Variants in LSAMP observed in about 807,000 individuals in gnomAD.
LSAMP encodes limbic system-associated membrane protein.
In LSAMP, 7 loss-of-function variants were observed where a neutral mutation model predicts 38.6. The ratio of observed to expected loss-of-function variants is 0.18; its 90% CI spans 0.10 to 0.34. The LOEUF is 0.34. Among genes scored for constraint, LSAMP ranks in the 10% least tolerant of loss-of-function variants. The pLI is 1.00. For missense variants in LSAMP, 313 were observed against 420.0 expected (o/e 0.75, Z 2.23); for synonymous variants, 154 against 166.8 (o/e 0.92, Z 0.59).
intron 1 of LSAMP, among the ~76,000 whole-genome samples, chr3:116,094,349 C>T (rs977201836): frequency 5.9e-5 from 9 of 152,308 alleles, no homozygotes; most frequent in Middle Eastern, 3.4e-3. Context: ...TGGTTGGACC[C>T]CTGTCTGCTA....
chr3:115,900,562 G>A (rs1325282555), intron 3 of LSAMP, among the ~76,000 whole-genome samples: 1 of 149,892 alleles, frequency 6.7e-6, no homozygotes, highest in African/African-American at 2.5e-5. Flanking sequence ...GTCAGCTTTT[G>A]CCACAAACTC....
At chr3:115,830,159 G>C (rs959797005) in intron 6 of LSAMP, among the ~76,000 whole-genome samples, 4 of 152,176 alleles carry the variant, frequency 2.6e-5, no homozygotes, top group African/African-American at 9.7e-5. Flanking sequence ...GCCTGAATAA[G>C]TGTGTGAAAT....
At chr3:115,941,026 T>C (rs1937901765) in intron 3 of LSAMP, among the ~76,000 whole-genome samples, 1 of 152,152 alleles carries the variant, frequency 6.6e-6, no homozygotes, top group South Asian at 2.1e-4. Flanking sequence ...ATTTGTAAAC[T>C]ATATATCTTA....
chr3:116,438,215 CTTG>C (rs962507805), intron 1 of LSAMP, among the ~76,000 whole-genome samples: 7 of 152,078 alleles, frequency 4.6e-5, no homozygotes, highest in African/African-American at 1.7e-4. Flanking sequence ...GAATAAAAGG[CTTG>C]TTTTCTTACA....
At chr3:116,220,258 A>G (rs576384539) in intron 1 of LSAMP, among the ~76,000 whole-genome samples, 2 of 150,944 alleles carry the variant, frequency 1.3e-5, no homozygotes, top group East Asian at 3.9e-4. Flanking sequence ...ATTATAAAAA[A>G]ACAGAAGATA....
chr3:116,050,720 T>C (rs1319308823), intron 2 of LSAMP, among the ~76,000 whole-genome samples: 6 of 152,202 alleles, frequency 3.9e-5, no homozygotes, highest in Admixed American at 2.6e-4. Flanking sequence ...GAGTCAGCTT[T>C]GCTCTCTTTC....
intron 2 of LSAMP, among the ~76,000 whole-genome samples, chr3:116,030,738 A>G (rs1254752019): frequency 6.6e-6 from 1 of 152,144 alleles, no homozygotes; most frequent in Non-Finnish European, 1.5e-5. Flanking sequence ...ATGGCACCCT[A>G]AGACATTATC....
chr3:116,141,797 A>G (rs902881107), intron 1 of LSAMP, among the ~76,000 whole-genome samples: 2 of 152,096 alleles, frequency 1.3e-5, no homozygotes, highest in Admixed American at 6.6e-5. Context: ...AGAATCATAC[A>G]ACCTTTGGGC....
chr3:116,343,858 A>AT (rs1328964702), intron 1 of LSAMP, among the ~76,000 whole-genome samples: 1 of 152,046 alleles, frequency 6.6e-6, no homozygotes, highest in South Asian at 2.1e-4. Context: ...TAACCATATG[A>AT]TTTTTTTCAA....
At chr3:115,838,914 C>T (rs1480243295) in intron 6 of LSAMP, among the ~76,000 whole-genome samples, 1 of 152,194 alleles carries the variant, frequency 6.6e-6, no homozygotes, top group Non-Finnish European at 1.5e-5. Context: ...GCCAACTCTT[C>T]AGGGGCTCTG....
At chr3:115,990,035 T>C (rs1939623197) in intron 3 of LSAMP, among the ~76,000 whole-genome samples, 1 of 152,044 alleles carries the variant, frequency 6.6e-6, no homozygotes, top group African/African-American at 2.4e-5. Flanking sequence ...TACAGAGATT[T>C]CTGAACTGAG....
At chr3:116,239,682 A>G (rs2046507589) in intron 1 of LSAMP, among the ~76,000 whole-genome samples, 1 of 152,172 alleles carries the variant, frequency 6.6e-6, no homozygotes, top group South Asian at 2.1e-4. Flanking sequence ...TGAGCTCTCT[A>G]TCCCTGGAAG....
At chr3:116,073,020 T>C (rs887251508) in intron 2 of LSAMP, among the ~76,000 whole-genome samples, 3 of 152,190 alleles carry the variant, frequency 2.0e-5, no homozygotes, top group Non-Finnish European at 4.4e-5. Flanking sequence ...GCTTTTCTTC[T>C]AGAGTTTTCA....
chr3:116,023,369 T>C (rs1189470732), intron 2 of LSAMP, among the ~76,000 whole-genome samples: 2 of 150,534 alleles, frequency 1.3e-5, no homozygotes, highest in Non-Finnish European at 3.0e-5. Flanking sequence ...CCGAGGCAGG[T>C]GGATCACAAG....
chr3:116,179,951 T>A (rs1156550307), intron 1 of LSAMP, among the ~76,000 whole-genome samples: 1 of 152,218 alleles, frequency 6.6e-6, no homozygotes, highest in Non-Finnish European at 1.5e-5. Context: ...GGAATGTTTG[T>A]GCTTGGCCAA....
At chr3:116,355,320 A>G (rs1177840724) in intron 1 of LSAMP, among the ~76,000 whole-genome samples, 1 of 152,196 alleles carries the variant, frequency 6.6e-6, no homozygotes, top group African/African-American at 2.4e-5. Flanking sequence ...CAAAAGTGCA[A>G]AGAACATACA....
chr3:115,964,678 GTT>G (rs1235537354), intron 3 of LSAMP, among the ~76,000 whole-genome samples: 3 of 152,126 alleles, frequency 2.0e-5, no homozygotes, highest in African/African-American at 7.2e-5. Flanking sequence ...GATTTAGACA[GTT>G]TAGAAAATTG....
rs142992666 is a variant in LSAMP at position 116,254,026 on chromosome 3, G to A, written c.156-167470C>T. ...TTATCTTCTAACGTCCAGTAGCACT[G>A]ACTGCATATCCTTCATAGAGGATGT... On this transcript the variant is annotated intron_variant, in intron 1 of 6. Coordinates refer to ENST00000490035, the MANE Select transcript of LSAMP (RefSeq NM_002338.5). 3.1e-3 allele frequency among the ~76,000 whole-genome samples: 479 copies of A among 152,154 alleles called. 6 individuals are homozygous for A. The highest frequency in any genetic ancestry group is 0.011 in the African/African-American group (458 of 41,512).
intron 2 of LSAMP, among the ~76,000 whole-genome samples, chr3:116,073,319 T>C (rs926589720): frequency 4.6e-5 from 7 of 152,206 alleles, no homozygotes; most frequent in African/African-American, 1.2e-4. Context: ...CTTTGTACTA[T>C]AGTTTGAAGT....
Sources: gnomAD v4.1 joint callset for allele counts (sites outside exome capture counted in the v4.1 genomes callset) on GRCh38, gnomAD v4.1.1 for gene constraint, MANE v1.5 for transcripts, NCBI Gene and HGNC (gene_info 2026-07-23, HGNC 2026-07-21) for gene names.